CDH2: variants seen among roughly 807,000 people sequenced by gnomAD.
CDH2 encodes the protein cadherin-2.
In CDH2, 17 loss-of-function variants were observed where a neutral mutation model predicts 92.0. The ratio of observed to expected loss-of-function variants is 0.18; its 90% CI spans 0.13 to 0.28. The LOEUF is 0.28. Among genes scored for constraint, CDH2 ranks in the 10% least tolerant of loss-of-function variants. The probability of loss-of-function intolerance (pLI) is 1.00; values close to 1 mark genes in which losing one functional copy is unlikely to be tolerated. For missense variants in CDH2, 862 were observed against 1,133.1 expected (o/e 0.76, Z 3.44); for synonymous variants, 419 against 415.9 (o/e 1.01, Z -0.09).
rs186637132 is a variant in CDH2 at position 27,976,773 on chromosome 18, G to C, written c.2349+6171C>G. Among the ~76,000 whole-genome samples the C allele has an allele frequency of 1.9e-3, 293 of 152,266 alleles. 2 individuals carry two copies. Among genetic ancestry groups the C allele is most frequent in the African/African-American group, 6.8e-3 (284 of 41,570 alleles). ...AAACTGCATTGTGTCAGGTGATGTAGGGAGAGGTTTAAAGTGAGCACCACT... is the reference window on the plus strand; with the variant it reads ...AAACTGCATTGTGTCAGGTGATGTACGGAGAGGTTTAAAGTGAGCACCACT... On this transcript the variant is annotated intron_variant, in intron 14 of 15. Transcript: ENST00000269141.
chr18:28,042,293 T>C (rs192305275), intron 2 of CDH2, among the ~76,000 whole-genome samples: 146 of 152,310 alleles, frequency 9.6e-4, no homozygotes, highest in Non-Finnish European at 1.3e-3. Context: ...GTTTTATTAC[T>C]TTAGTAGCAT....
At position 27,992,740 on chromosome 18, in the gene CDH2, T is replaced by C. The variant is rs2012459453; in HGVS notation, c.1259A>G (p.Tyr420Cys). ...QPHTPAWNAV[Y>C]RISGGDPTGR... Reference sequence around the variant, plus strand: ...AGTAGGATCTCCGCCACTGATTCTGTACACTGCGTTCCAGGCTGGTGTATG... The same window carrying C: ...AGTAGGATCTCCGCCACTGATTCTGCACACTGCGTTCCAGGCTGGTGTATG... Residue 420 changes from tyrosine to cysteine, a missense_variant, in exon 9 of 16, where the codon TAC (tyrosine) becomes TGC (cysteine). Physicochemically the swap from Tyr to Cys is radical, Grantham distance 194. Coordinates refer to ENST00000269141, the MANE Select transcript of CDH2 (RefSeq NM_001792.5). 1 of 1,614,140 alleles carries C rather than the reference T, an allele frequency of 6.2e-7. No homozygotes were observed. The highest frequency in any genetic ancestry group is 8.5e-7 in the Non-Finnish European group (1 of 1,179,982).
At chr18:28,176,330 C>A (rs1170916460) in intron 1 of CDH2, among the ~76,000 whole-genome samples, 1 of 152,122 alleles carries the variant, frequency 6.6e-6, no homozygotes, top group Non-Finnish European at 1.5e-5. Flanking sequence ...GGCAGAGACT[C>A]CTCCGGGCAA....
intron 2 of CDH2, among the ~76,000 whole-genome samples, chr18:28,129,284 C>G (rs2144288817): frequency 6.6e-6 from 1 of 152,230 alleles, no homozygotes; most frequent in East Asian, 1.9e-4. Flanking sequence ...TTTTAAATCA[C>G]AGCTGTAAAA....
intron 2 of CDH2, among the ~76,000 whole-genome samples, chr18:28,134,977 T>C (rs1463546577): frequency 1.3e-5 from 2 of 152,086 alleles, no homozygotes; most frequent in African/African-American, 4.8e-5. Context: ...ACTGACATCA[T>C]GGGCTGGAGG....
intron 6 of CDH2, among the ~76,000 whole-genome samples, chr18:27,939,168 G>A (rs370580105): frequency 1.1e-4 from 16 of 152,080 alleles, no homozygotes; most frequent in Non-Finnish European, 1.3e-4. Context: ...GTTTCCCCAC[G>A]TTTTCTTCCT....
intron 2 of CDH2, among the ~76,000 whole-genome samples, chr18:28,089,532 T>A (rs770069440): frequency 6.6e-6 from 1 of 152,270 alleles, no homozygotes; most frequent in Non-Finnish European, 1.5e-5. Flanking sequence ...TAACAAAAAA[T>A]TGCATATAAA....
chr18:27,933,501 T>C (rs1908951434), intron 6 of CDH2, among the ~76,000 whole-genome samples: 1 of 152,164 alleles, frequency 6.6e-6, no homozygotes, highest in African/African-American at 2.4e-5. Flanking sequence ...CTGAATATTA[T>C]GATTTTGCTA....
In CDH2 at chr18:27,990,333, T is replaced by G. The variant is rs749346081; in HGVS notation, c.1362A>C (p.Thr454=). ...VTVVKPIDFE[T]NRMFVLTVAA... is the part of the protein sequence containing the mutation. ...CAACAGTAAGGACAAACATCCTATT[T>G]GTTTCAAAGTCGATTGGCTGGAAAA... is the stretch of plus-strand genomic sequence containing the variant. Residue 454 remains threonine (T), a synonymous_variant, in exon 10 of 16, where the codon ACA becomes ACC. Transcript: ENST00000269141. 6.2e-7 allele frequency: 1 copy of G among 1,609,876 alleles called. No individual in the cohort carries two copies. The highest frequency in any genetic ancestry group is 2.2e-5 in the East Asian group (1 of 44,784).
chr18:28,157,457 C>T (rs1413973190), intron 1 of CDH2, among the ~76,000 whole-genome samples: 12 of 152,230 alleles, frequency 7.9e-5, no homozygotes, highest in South Asian at 6.2e-4. Flanking sequence ...CTGTTAGTAC[C>T]GCCATTTTGC....
At chr18:28,093,645 G>A (rs1425072982) in intron 2 of CDH2, among the ~76,000 whole-genome samples, 1 of 151,950 alleles carries the variant, frequency 6.6e-6, no homozygotes, top group Non-Finnish European at 1.5e-5. Flanking sequence ...ATAAGGTTCA[G>A]ATAAAACATT....
chr18:28,174,157 C>T (rs183917739), intron 1 of CDH2, among the ~76,000 whole-genome samples: 27 of 151,972 alleles, frequency 1.8e-4, no homozygotes, highest in Admixed American at 3.9e-4. Flanking sequence ...TTATATTTAG[C>T]TTGTAAAAAA....
At chr18:28,111,093 A>G (rs1599108669) in intron 2 of CDH2, among the ~76,000 whole-genome samples, 1 of 152,314 alleles carries the variant, frequency 6.6e-6, no homozygotes, top group East Asian at 1.9e-4. Flanking sequence ...CAGCTCTCCT[A>G]TCGACTCCCA....
intron 2 of CDH2, among the ~76,000 whole-genome samples, chr18:28,103,148 A>G (rs914817218): frequency 1.4e-5 from 2 of 147,262 alleles, no homozygotes; most frequent in African/African-American, 4.9e-5. Context: ...CCTTATATAT[A>G]TATATAAACT....
At chr18:28,156,333 C>G (rs1036697002) in intron 1 of CDH2, among the ~76,000 whole-genome samples, 3 of 152,178 alleles carry the variant, frequency 2.0e-5, no homozygotes, top group Non-Finnish European at 4.4e-5. Context: ...GGCAGCCCCA[C>G]AATACAAGAG....
chr18:28,118,048 C>T (rs1390558275), intron 2 of CDH2, among the ~76,000 whole-genome samples: 1 of 151,884 alleles, frequency 6.6e-6, no homozygotes, highest in Non-Finnish European at 1.5e-5. Context: ...ATATTATCTA[C>T]CCTCCCATCA....
intron 2 of CDH2, among the ~76,000 whole-genome samples, chr18:28,026,690 T>C (rs2218361): frequency 0.16 from 24,937 of 152,226 alleles, 2,362 homozygotes; most frequent in South Asian, 0.29. Context: ...TCATCAATTC[T>C]AGCAGCCACA....
At chr18:28,111,016 C>G (rs17536222) in intron 2 of CDH2, among the ~76,000 whole-genome samples, 3,331 of 152,226 alleles carry the variant, frequency 0.022, 100 homozygotes, top group African/African-American at 0.069. Flanking sequence ...CCCATCCAGC[C>G]ATCGGTCTGT....
intron 2 of CDH2, among the ~76,000 whole-genome samples, chr18:28,045,188 C>G (rs2014049664): frequency 6.6e-6 from 1 of 152,134 alleles, no homozygotes; most frequent in Non-Finnish European, 1.5e-5. Flanking sequence ...GACTTTACCT[C>G]TAAGGATAAA....
Sources: gnomAD v4.1 joint callset for allele counts (sites outside exome capture counted in the v4.1 genomes callset) on GRCh38, gnomAD v4.1.1 for gene constraint, MANE v1.5 for transcripts, NCBI Gene and HGNC (gene_info 2026-07-23, HGNC 2026-07-21) for gene names.